Variants in STK3 observed in about 807,000 individuals in gnomAD.
STK3 encodes serine/threonine kinase 3, also known as serine/threonine-protein kinase 3.
STK3 carries 41 observed loss-of-function variants against 58.0 expected under a neutral mutation model. That is an observed-to-expected ratio of 0.71 (90% confidence interval 0.55 to 0.92). The LOEUF (loss-of-function observed/expected upper bound fraction) is 0.92, where lower values mean the gene tolerates loss of function less well. Among genes scored for constraint, STK3 ranks in the 40% least tolerant of loss-of-function variants. STK3 has a pLI of 0.00. For synonymous variants in STK3, 170 were observed against 191.0 expected (o/e 0.89, Z 0.91); for missense variants, 479 against 602.7 (o/e 0.79, Z 2.15).
At chr8:98,754,981 G>T (rs1339431080) in intron 3 of STK3, among the ~76,000 whole-genome samples, 1 of 152,126 alleles carries the variant, frequency 6.6e-6, no homozygotes, top group Admixed American at 6.5e-5. Flanking sequence ...TGAAAATTAG[G>T]AATTCTAACC....
downstream of STK3, among the ~76,000 whole-genome samples, chr8:98,397,748 G>A (rs143255641): frequency 7.0e-4 from 107 of 152,114 alleles, no homozygotes; most frequent in African/African-American, 2.3e-3. Context: ...TCATGGAAGC[G>A]GTTTCTCCCA....
chr8:98,514,284 C>T (rs1011794074), intron 10 of STK3, among the ~76,000 whole-genome samples: 3 of 151,790 alleles, frequency 2.0e-5, no homozygotes, highest in Non-Finnish European at 4.4e-5. Context: ...TGAAAGTGAC[C>T]AAAAAGTTGT....
intron 6 of STK3, among the ~76,000 whole-genome samples, chr8:98,691,752 T>A (rs1004853842): frequency 2.0e-5 from 3 of 151,920 alleles, no homozygotes; most frequent in Admixed American, 1.3e-4. Context: ...GCAAACATGG[T>A]GAAACCCCGT....
chr8:98,526,523 T>A, intron 10 of STK3: 1 of 323,510 alleles, frequency 3.1e-6, no homozygotes, highest in Non-Finnish European at 5.5e-6. Flanking sequence ...ATGATTTATT[T>A]AACTATAAAA....
At chr8:98,612,886 AC>A (rs953205930) in intron 6 of STK3, among the ~76,000 whole-genome samples, 1 of 152,060 alleles carries the variant, frequency 6.6e-6, no homozygotes, top group African/African-American at 2.4e-5. Context: ...CAAGAATTTC[AC>A]CCCTCTGGAA....
At chr8:98,794,168 A>C (rs1000692197) in intron 1 of STK3, among the ~76,000 whole-genome samples, 1 of 152,192 alleles carries the variant, frequency 6.6e-6, no homozygotes, top group Non-Finnish European at 1.5e-5. Context: ...CAGCAGAAGA[A>C]ATAAAAGCAA....
intron 7 of STK3, among the ~76,000 whole-genome samples, chr8:98,594,430 T>C (rs1437606222): frequency 6.6e-6 from 1 of 151,832 alleles, no homozygotes. Flanking sequence ...CGAAACTCTG[T>C]CTCTACTAAT....
intron 10 of STK3, among the ~76,000 whole-genome samples, chr8:98,518,738 C>A (rs1215132634): frequency 6.6e-6 from 1 of 152,108 alleles, no homozygotes; most frequent in Non-Finnish European, 1.5e-5. Context: ...TGACTGCCAG[C>A]ACAGATTTCG....
chr8:98,656,618 A>T (rs1821554326), intron 6 of STK3, among the ~76,000 whole-genome samples: 1 of 151,980 alleles, frequency 6.6e-6, no homozygotes. Flanking sequence ...ACCCTACTTG[A>T]TATTCTTTAA....
chr8:98,662,602 T>C (rs1822043305), intron 6 of STK3, among the ~76,000 whole-genome samples: 3 of 152,170 alleles, frequency 2.0e-5, no homozygotes, highest in Non-Finnish European at 4.4e-5. Flanking sequence ...TGCAAATGTG[T>C]TATGAAGGCT....
chr8:98,426,162 C>T (rs3935841), intron 3 of STK3, among the ~76,000 whole-genome samples: 1,890 of 152,230 alleles, frequency 0.012, 38 homozygotes, highest in African/African-American at 0.042. Flanking sequence ...GCAAGCACAC[C>T]GCTCTCAACA....
chr8:98,527,782 C>T (rs1825861299), intron 9 of STK3, among the ~76,000 whole-genome samples: 2 of 152,272 alleles, frequency 1.3e-5, no homozygotes, highest in Admixed American at 1.3e-4. Flanking sequence ...CACTTACATC[C>T]ATGTCTCCCA....
chr8:98,846,856 T>C (rs1836225379), intron 3 of STK3, among the ~76,000 whole-genome samples: 1 of 143,322 alleles, frequency 7.0e-6, no homozygotes, highest in African/African-American at 2.6e-5. Flanking sequence ...TTCAGGATCC[T>C]ACACACACAC....
intron 1 of STK3, among the ~76,000 whole-genome samples, chr8:98,924,090 C>T (rs1229766822): frequency 6.6e-6 from 1 of 152,106 alleles, no homozygotes; most frequent in Non-Finnish European, 1.5e-5. Flanking sequence ...TTCAGAGAGT[C>T]CATTTGAAGA....
intron 9 of STK3, among the ~76,000 whole-genome samples, chr8:98,537,330 G>T (rs1239607517): frequency 1.3e-5 from 2 of 152,074 alleles, no homozygotes; most frequent in African/African-American, 4.8e-5. Flanking sequence ...AGGAAAACAG[G>T]TTAGGTTTGT....
At chr8:98,537,343 T>A (rs988296803) in intron 9 of STK3, among the ~76,000 whole-genome samples, 1 of 152,186 alleles carries the variant, frequency 6.6e-6, no homozygotes, top group African/African-American at 2.4e-5. Flanking sequence ...AGGTTTGTTT[T>A]AAAAGTTAAT....
chr8:98,930,385 T>C (rs1390700997), intron 1 of STK3, among the ~76,000 whole-genome samples: 1 of 152,244 alleles, frequency 6.6e-6, no homozygotes, highest in East Asian at 1.9e-4. Context: ...ATAAAGTATG[T>C]GTTCAGTTAT....
chr8:98,696,620 G>A (rs1030340774), intron 6 of STK3, among the ~76,000 whole-genome samples: 1 of 152,094 alleles, frequency 6.6e-6, no homozygotes, highest in Non-Finnish European at 1.5e-5. Flanking sequence ...ATAATCATGT[G>A]GTTTTTGTCT....
chr8:98,735,581 G>T (rs1355576756), intron 4 of STK3, among the ~76,000 whole-genome samples: 3 of 152,090 alleles, frequency 2.0e-5, no homozygotes, highest in Non-Finnish European at 4.4e-5. Context: ...ATCTTACAGT[G>T]ATTTTTACTC....
Sources: allele counts gnomAD v4.1 joint callset (sites outside exome capture counted in the v4.1 genomes callset), GRCh38; gene constraint gnomAD v4.1.1; transcripts MANE v1.5; gene names NCBI Gene and HGNC (gene_info 2026-07-23, HGNC 2026-07-21).